The following CUL1 variants were observed in gnomAD, a reference collection of about 807,000 sequenced individuals.
CUL1 encodes the protein cullin-1.
CUL1 carries 24 observed loss-of-function variants against 118.0 expected under a neutral mutation model. The observed-to-expected ratio is 0.20, with a 90% confidence interval of 0.15 to 0.29. CUL1 has a LOEUF of 0.29. Ranked by LOEUF, CUL1 falls within the 10% of genes least tolerant of loss-of-function variation. The pLI, the probability that CUL1 is intolerant of heterozygous loss-of-function variation, is 1.00. For synonymous variants in CUL1, 332 were observed against 340.4 expected, an observed-to-expected ratio of 0.98 and a Z score of 0.27; for missense variants, 361 against 933.8, an observed-to-expected ratio of 0.39 and a Z score of 7.99.
chr7:148,773,131 ACT>A (rs759416931), intron 9 of CUL1, among the ~76,000 whole-genome samples: 5 of 151,964 alleles, frequency 3.3e-5, no homozygotes, highest in East Asian at 1.9e-4. Flanking sequence ...TTATAATTTT[ACT>A]CTGTGTTCTT....
At chr7:148,798,767 C>CA (rs1217408816) in intron 20 of CUL1, 90 bp downstream of exon 20, 8 of 1,034,520 alleles carry the variant, frequency 7.7e-6, no homozygotes, top group African/African-American at 3.1e-5. Flanking sequence ...GCGGGGGTGA[C>CA]AAAGGAGTGA....
At chr7:148,724,422 G>A (rs1337431187) in intron 1 of CUL1, among the ~76,000 whole-genome samples, 2 of 152,330 alleles carry the variant, frequency 1.3e-5, no homozygotes, top group East Asian at 3.9e-4. Flanking sequence ...TGAAAGTGAA[G>A]TATAACTGTG....
intron 9 of CUL1, among the ~76,000 whole-genome samples, chr7:148,770,537 G>A (rs1563164533): frequency 6.6e-6 from 1 of 152,182 alleles, no homozygotes; most frequent in Non-Finnish European, 1.5e-5. Flanking sequence ...TTCTGCAAAA[G>A]GAGTGTTTCC....
At chr7:148,753,184 T>C (rs769316822) in intron 2 of CUL1, among the ~76,000 whole-genome samples, 4 of 148,160 alleles carry the variant, frequency 2.7e-5, no homozygotes, top group Non-Finnish European at 3.1e-5. Flanking sequence ...CTTTATATAG[T>C]AAATTCTTAA....
chr7:148,774,254 CAG>C (rs1800325295), intron 9 of CUL1, among the ~76,000 whole-genome samples: 1 of 152,108 alleles, frequency 6.6e-6, no homozygotes, highest in East Asian at 1.9e-4. Context: ...GCTAGTAACT[CAG>C]AAGAATGATT....
chr7:148,760,583 T>C, intron 7 of CUL1, 87 bp downstream of exon 7: 1 of 943,982 alleles, frequency 1.1e-6, no homozygotes. Context: ...CAGCTTTCTT[T>C]ACAAGTCATT....
chr7:148,731,995 G>C (rs1658209556), intron 2 of CUL1, among the ~76,000 whole-genome samples: 1 of 152,198 alleles, frequency 6.6e-6, no homozygotes, highest in Non-Finnish European at 1.5e-5. Flanking sequence ...GAGTTTTTGA[G>C]TGGCTCTGTG....
intron 2 of CUL1, among the ~76,000 whole-genome samples, chr7:148,737,580 T>A (rs200046353): frequency 4.4e-5 from 3 of 67,516 alleles, no homozygotes; most frequent in African/African-American, 2.7e-4. Flanking sequence ...ATTTTTATAT[T>A]TATTTATTTA....
At position 148,777,724 on chromosome 7, in the gene CUL1, G is replaced by A. The variant is rs920522627; in HGVS notation, c.1084-6059G>A. Among the ~76,000 whole-genome samples, 5 of 151,964 alleles carry A rather than the reference G, an allele frequency of 3.3e-5. No individual in the cohort carries two copies. The East Asian group carries it at 9.7e-4, about 29-fold the overall frequency. On this transcript the variant is annotated intron_variant, in intron 9 of 21. Coordinates refer to ENST00000325222, the MANE Select transcript of CUL1 (RefSeq NM_003592.3). ...TTAGACCAATAGAGGCTTTGGGGGAGGAGCATTTTCTTGCTGGCATTGTTT... is the reference window on the plus strand; with the variant it reads ...TTAGACCAATAGAGGCTTTGGGGGAAGAGCATTTTCTTGCTGGCATTGTTT...
At chr7:148,758,656 C>T (rs1334044047) in intron 4 of CUL1, among the ~76,000 whole-genome samples, 2 of 152,140 alleles carry the variant, frequency 1.3e-5, no homozygotes, top group Admixed American at 6.5e-5. Flanking sequence ...AGATGCATGA[C>T]TAGTTTTTAT....
chr7:148,702,371 G>C (rs779078489), intron 1 of CUL1, among the ~76,000 whole-genome samples: 1 of 152,176 alleles, frequency 6.6e-6, no homozygotes, highest in Admixed American at 6.5e-5. Flanking sequence ...CCTTTGCAGG[G>C]CATATATTTC....
chr7:148,766,052 A>G (rs1278040569), intron 7 of CUL1, among the ~76,000 whole-genome samples: 1 of 152,236 alleles, frequency 6.6e-6, no homozygotes, highest in African/African-American at 2.4e-5. Flanking sequence ...GGAAATACGT[A>G]TTACAGAGAA....
In CUL1 at chr7:148,798,697, G is replaced by T. The variant is rs376799231; in HGVS notation, c.2136+20G>T. 4.4e-6 allele frequency: 7 copies of T among 1,591,346 alleles called. No homozygotes were observed. Among genetic ancestry groups the T allele is most frequent in the Non-Finnish European group, 6.0e-6 (7 of 1,159,204 alleles). ...ATTCAGGTGACTTATCTGTATGCCTGTGCCAGGTGTGCTGTCCCTCACGCA... is the reference window on the plus strand; with the variant it reads ...ATTCAGGTGACTTATCTGTATGCCTTTGCCAGGTGTGCTGTCCCTCACGCA... On this transcript the variant is annotated intron_variant, in intron 20 of 21. Transcript: ENST00000325222.
At chr7:148,795,863 C>T (rs1018221018) in intron 17 of CUL1, among the ~76,000 whole-genome samples, 1 of 151,596 alleles carries the variant, frequency 6.6e-6, no homozygotes, top group South Asian at 2.1e-4. Context: ...AATTTATTAG[C>T]TCAAATAGTT....
chr7:148,718,371 G>T (rs541996147), intron 1 of CUL1, among the ~76,000 whole-genome samples: 1 of 152,070 alleles, frequency 6.6e-6, no homozygotes, highest in Admixed American at 6.5e-5. Flanking sequence ...TCTCTTTGCC[G>T]TCACTCCCCA....
intron 9 of CUL1, among the ~76,000 whole-genome samples, chr7:148,771,638 C>T (rs1192202559): frequency 1.3e-5 from 2 of 152,250 alleles, no homozygotes; most frequent in Non-Finnish European, 1.5e-5. Context: ...ATATGTGAGG[C>T]GATCAATTAG....
At chr7:148,782,029 C>T (rs891046775) in intron 9 of CUL1, among the ~76,000 whole-genome samples, 7 of 152,122 alleles carry the variant, frequency 4.6e-5, no homozygotes, top group African/African-American at 2.4e-5. Flanking sequence ...TTACCGTATT[C>T]GAAAACTACC....
At chr7:148,752,323 A>C (rs921624048) in intron 2 of CUL1, among the ~76,000 whole-genome samples, 1 of 152,182 alleles carries the variant, frequency 6.6e-6, no homozygotes. Flanking sequence ...CTGTAGGTGG[A>C]ATATGAGACA....
At chr7:148,783,510 C>CT (rs952341419) in intron 9 of CUL1, 4 of 1,268,426 alleles carry the variant, frequency 3.2e-6, no homozygotes, top group Admixed American at 6.2e-5. Context: ...TTCATGATCT[C>CT]TTTGAGTTTT....
Sources: allele counts gnomAD v4.1 joint callset (sites outside exome capture counted in the v4.1 genomes callset), GRCh38; gene constraint gnomAD v4.1.1; transcripts MANE v1.5; gene names NCBI Gene and HGNC (gene_info 2026-07-23, HGNC 2026-07-21).